Variants in DPP6 observed in about 807,000 individuals in gnomAD.
The protein encoded by DPP6 is A-type potassium channel modulatory protein DPP6.
A neutral mutation model predicts 122.6 loss-of-function variants in DPP6; 69 were observed. That is an observed-to-expected ratio of 0.56 (90% confidence interval 0.46 to 0.69). DPP6 has a LOEUF of 0.69. DPP6 is among the 30% of genes least tolerant of loss of function. The pLI is 0.00. For missense variants in DPP6, 928 were observed against 1,116.9 expected, an observed-to-expected ratio of 0.83 and a Z score of 2.41; for synonymous variants, 418 against 433.1, an observed-to-expected ratio of 0.97 and a Z score of 0.43.
intron 1 of DPP6, among the ~76,000 whole-genome samples, chr7:154,154,340 T>C (rs200422902): frequency 0.012 from 1,545 of 125,232 alleles, no homozygotes; most frequent in African/African-American, 0.044. Flanking sequence ...GCTAACCTTT[T>C]GTGTGTGTTT....
chr7:154,411,362 C>G (rs1816582071), intron 1 of DPP6, among the ~76,000 whole-genome samples: 2 of 152,140 alleles, frequency 1.3e-5, no homozygotes. Flanking sequence ...ACCTCACCCT[C>G]CCAAGTAGCT....
the DPP6 span, among the ~76,000 whole-genome samples, chr7:153,852,239 T>A: frequency 6.6e-6 from 1 of 152,182 alleles, no homozygotes; most frequent in Non-Finnish European, 1.5e-5. Flanking sequence ...TACTAGACTG[T>A]TGCGTTGCTC....
intron 1 of DPP6, among the ~76,000 whole-genome samples, chr7:153,890,089 A>G (rs2128992985): frequency 6.6e-6 from 1 of 152,346 alleles, no homozygotes; most frequent in Non-Finnish European, 1.5e-5. Flanking sequence ...GTGATATTTT[A>G]CATTCAAGAT....
intron 1 of DPP6, among the ~76,000 whole-genome samples, chr7:154,251,143 T>A (rs1802326764): frequency 6.6e-6 from 1 of 152,208 alleles, no homozygotes; most frequent in Non-Finnish European, 1.5e-5. Context: ...TCTCTTCCCT[T>A]AACGATCAAG....
intron 1 of DPP6, among the ~76,000 whole-genome samples, chr7:154,407,476 A>G (rs1024724014): frequency 6.6e-5 from 10 of 152,142 alleles, no homozygotes; most frequent in Admixed American, 5.9e-4. Context: ...GATGCCTTTA[A>G]TGTAGATGTA....
chr7:154,811,180 AG>A (rs1482203660), intron 16 of DPP6, among the ~76,000 whole-genome samples: 1 of 152,206 alleles, frequency 6.6e-6, no homozygotes, highest in African/African-American at 2.4e-5. Context: ...CTCCCCATGG[AG>A]GTAACCAAAA....
intron 2 of DPP6, among the ~76,000 whole-genome samples, chr7:154,469,413 A>C (rs187186120): frequency 6.6e-6 from 1 of 152,320 alleles, no homozygotes. Flanking sequence ...AAAGAGAGAG[A>C]GTGTTCCCCT....
chr7:154,879,403 ACC>A lies in DPP6; in HGVS notation c.2079-1482_2079-1481del, dbSNP rs1805161222. On this transcript the variant is annotated intron_variant, in intron 20 of 25. Transcript: ENST00000377770. Reference sequence around the variant, plus strand: ...AGACCATCCTGGCTAACACGGTGAAACCCCGTCTCTACTAAAAAAAAAAAAAA... The same window carrying A: ...AGACCATCCTGGCTAACACGGTGAAACCGTCTCTACTAAAAAAAAAAAAAA... 8.8e-5 allele frequency among the ~76,000 whole-genome samples: 10 copies of A among 114,268 alleles called. 1 individual carries two copies. Among genetic ancestry groups the A allele is most frequent in the African/African-American group, 1.2e-4 (3 of 24,866 alleles). 75.0% of individuals were successfully genotyped at this position (114,268 alleles called of 152,430 possible). A position where few individuals can be genotyped will look rare whatever the true frequency, so the allele number is the denominator to read the frequency against.
intron 1 of DPP6, among the ~76,000 whole-genome samples, chr7:153,904,849 G>C (rs1799784662): frequency 6.6e-6 from 1 of 152,230 alleles, no homozygotes; most frequent in Admixed American, 6.5e-5. Context: ...ACTGATGAAA[G>C]ACAGGTGAAC....
intron 1 of DPP6, among the ~76,000 whole-genome samples, chr7:154,154,087 T>C (rs1288403614): frequency 6.6e-6 from 1 of 152,244 alleles, no homozygotes; most frequent in African/African-American, 2.4e-5. Flanking sequence ...TTAGCTGACT[T>C]CAGGCAGCAG....
In DPP6 at chr7:154,701,386, G is replaced by A. The variant is rs114179059; in HGVS notation, c.763-26381G>A. Among the ~76,000 whole-genome samples, 890 of 152,278 alleles carry A rather than the reference G, an allele frequency of 5.8e-3. 8 individuals are homozygous for A. Among genetic ancestry groups the A allele is most frequent in the African/African-American group, 0.02 (849 of 41,544 alleles). ...TACCTTTTTTAAAGTATAACCCAAC[G>A]CTACCTAGTTTAATTTGTCCAAAAT... is the stretch of plus-strand genomic sequence containing the variant. On this transcript the variant is annotated intron_variant, in intron 7 of 25. Coordinates refer to ENST00000377770, the MANE Select transcript of DPP6 (RefSeq NM_130797.4).
intron 1 of DPP6, among the ~76,000 whole-genome samples, chr7:153,958,504 G>A (rs1425927863): frequency 6.6e-6 from 1 of 152,124 alleles, no homozygotes; most frequent in Non-Finnish European, 1.5e-5. Flanking sequence ...GGGTGAGCCA[G>A]GGAGGAGGAG....
intron 5 of DPP6, among the ~76,000 whole-genome samples, chr7:154,574,746 T>C (rs1225442272): frequency 2.4e-5 from 3 of 126,462 alleles, no homozygotes; most frequent in African/African-American, 6.1e-5. Flanking sequence ...GGTGTGTGTA[T>C]GTGTGTTGTG....
chr7:154,764,121 G>T (rs1795749166), intron 8 of DPP6, among the ~76,000 whole-genome samples: 1 of 152,164 alleles, frequency 6.6e-6, no homozygotes, highest in Non-Finnish European at 1.5e-5. Context: ...TTAAAGCATT[G>T]CTGGGATACA....
In DPP6 at chr7:153,965,718, C is replaced by T. The variant is rs190740667; in HGVS notation, c.51+77984C>T. Among the ~76,000 whole-genome samples, 8 of 151,876 alleles carry T rather than the reference C, an allele frequency of 5.3e-5. No homozygotes were observed. The East Asian group carries it at 1.2e-3, about 22-fold the overall frequency. On this transcript the variant is annotated intron_variant, in intron 1 of 25. Coordinates refer to the DPP6 transcript ENST00000404039. ...TAGTAAAAACGGGGTTTCACCTGTGCGGTGGCTCACACCTGTAATCCCAGC... is the reference window on the plus strand; with the variant it reads ...TAGTAAAAACGGGGTTTCACCTGTGTGGTGGCTCACACCTGTAATCCCAGC...
chr7:153,919,273 G>A (rs1395800459), intron 1 of DPP6, among the ~76,000 whole-genome samples: 1 of 152,118 alleles, frequency 6.6e-6, no homozygotes, highest in East Asian at 1.9e-4. Flanking sequence ...TGCACCAGTG[G>A]AAGATTGGGT....
chr7:154,776,741 C>T (rs921599622), intron 10 of DPP6, among the ~76,000 whole-genome samples: 2 of 152,214 alleles, frequency 1.3e-5, no homozygotes, highest in African/African-American at 4.8e-5. Flanking sequence ...AGAACCAAAA[C>T]TTACTTGCTA....
At chr7:154,449,600 A>T (rs752078616) in intron 2 of DPP6, among the ~76,000 whole-genome samples, 3 of 152,188 alleles carry the variant, frequency 2.0e-5, no homozygotes, top group Non-Finnish European at 4.4e-5. Flanking sequence ...ACTCACGAAA[A>T]CTGGAAACAT....
chr7:153,868,645 A>T, the DPP6 span, among the ~76,000 whole-genome samples: 1 of 151,870 alleles, frequency 6.6e-6, no homozygotes. Context: ...GTGTGTCTCT[A>T]TTTCCTTCAG....
Sources: gnomAD v4.1 joint callset for allele counts (sites outside exome capture counted in the v4.1 genomes callset) on GRCh38, gnomAD v4.1.1 for gene constraint, MANE v1.5 for transcripts, NCBI Gene and HGNC (gene_info 2026-07-23, HGNC 2026-07-21) for gene names.